NSMCE2: variants seen among roughly 807,000 people sequenced by gnomAD.
NSMCE2 encodes the protein NSE2 SUMO ligase component of SMC5/6 complex, also known as E3 SUMO-protein ligase NSE2.
NSMCE2 carries 24 observed loss-of-function variants against 23.8 expected under a neutral mutation model. The observed-to-expected ratio is 1.01, with a 90% CI of 0.73 to 1.42. The LOEUF (loss-of-function observed/expected upper bound fraction) is 1.42, where lower values mean the gene tolerates loss of function less well. Among genes scored for constraint, NSMCE2 ranks in the 40% most tolerant of loss-of-function variants. The pLI, the probability that NSMCE2 is intolerant of heterozygous loss-of-function variation, is 0.00. For missense variants in NSMCE2, 284 were observed against 296.5 expected (o/e 0.96, Z 0.31); for synonymous variants, 92 against 94.1 (o/e 0.98, Z 0.13).
intron 3 of NSMCE2, among the ~76,000 whole-genome samples, chr8:125,112,835 G>A (rs1818831183): frequency 6.6e-6 from 1 of 152,080 alleles, no homozygotes; most frequent in Non-Finnish European, 1.5e-5. Flanking sequence ...ATAATATGGT[G>A]ACTATAGTTA....
intron 5 of NSMCE2, among the ~76,000 whole-genome samples, chr8:125,299,457 A>G (rs923270284): frequency 6.6e-6 from 1 of 152,184 alleles, no homozygotes; most frequent in African/African-American, 2.4e-5. Context: ...AGAGCGAGCA[A>G]GAGGCGAGAA....
At chr8:125,184,799 C>T (rs1244482321) in intron 5 of NSMCE2, among the ~76,000 whole-genome samples, 1 of 152,230 alleles carries the variant, frequency 6.6e-6, no homozygotes, top group East Asian at 1.9e-4. Context: ...CAGGCTCCCA[C>T]AGTATTTGTG....
chr8:125,303,420 C>T (rs1828639163), intron 5 of NSMCE2, among the ~76,000 whole-genome samples: 1 of 151,972 alleles, frequency 6.6e-6, no homozygotes, highest in African/African-American at 2.4e-5. Flanking sequence ...TCATGCTGCA[C>T]GAATTTGAAG....
intron 5 of NSMCE2, among the ~76,000 whole-genome samples, chr8:125,199,311 G>T (rs375043269): frequency 1.3e-5 from 2 of 152,092 alleles, no homozygotes; most frequent in Admixed American, 6.6e-5. Flanking sequence ...TCTCTTATGG[G>T]CATCTAGTGC....
chr8:125,223,609 G>A lies in NSMCE2; in HGVS notation c.418+41353G>A, dbSNP rs549585684. Among the ~76,000 whole-genome samples the A allele has an allele frequency of 1.7e-4, 26 of 152,236 alleles. No individual in the cohort carries two copies. In the South Asian group the frequency reaches 2.3e-3, roughly 13 times the overall value. On this transcript the variant is annotated intron_variant, in intron 5 of 7. Coordinates refer to ENST00000287437, the MANE Select transcript of NSMCE2 (RefSeq NM_173685.4). The stretch of plus-strand genomic sequence containing the variant: ...TTCCCACGAACAATGTACCAGGGTT[G>A]CCTTTTCTCCACATCCAAACCAATA...
chr8:125,182,026 TA>T, intron 4 of NSMCE2, 76 bp from the exon 5 acceptor site: 1 of 1,089,758 alleles, frequency 9.2e-7, no homozygotes, highest in Non-Finnish European at 1.3e-6. Flanking sequence ...TTATCTGAGA[TA>T]AAAACAATGT....
rs137933655 is a variant in NSMCE2 at position 125,176,411 on chromosome 8, T to G, written c.265-5692T>G. ...TCTTACACTTTTTCTTTTTAAACTC[T>G]TCTAGCCGCCCTTAAAATGTGATAT... is the stretch of plus-strand genomic sequence containing the variant. On this transcript the variant is annotated intron_variant, in intron 4 of 7. Coordinates refer to ENST00000287437, the MANE Select transcript of NSMCE2 (RefSeq NM_173685.4). 1.8e-3 allele frequency among the ~76,000 whole-genome samples: 271 copies of G among 152,360 alleles called. 2 individuals are homozygous for G. The highest frequency in any genetic ancestry group is 6.2e-3 in the African/African-American group (259 of 41,592).
chr8:125,346,100 T>C (rs971209766), intron 5 of NSMCE2, among the ~76,000 whole-genome samples: 1 of 151,620 alleles, frequency 6.6e-6, no homozygotes, highest in African/African-American at 2.4e-5. Context: ...AAGGTTGCAG[T>C]GAGCCAAGAT....
At chr8:125,143,477 T>A (rs911400694) in intron 3 of NSMCE2, among the ~76,000 whole-genome samples, 2 of 152,194 alleles carry the variant, frequency 1.3e-5, no homozygotes, top group African/African-American at 4.8e-5. Flanking sequence ...TTTATGACAT[T>A]TAATATTTAT....
At chr8:125,229,045 G>A (rs2130939241) in intron 5 of NSMCE2, among the ~76,000 whole-genome samples, 1 of 152,290 alleles carries the variant, frequency 6.6e-6, no homozygotes, top group East Asian at 1.9e-4. Flanking sequence ...CTGTTTGTTT[G>A]TGTGTTTATT....
chr8:125,288,480 T>C (rs943728586), intron 5 of NSMCE2, among the ~76,000 whole-genome samples: 1 of 152,246 alleles, frequency 6.6e-6, no homozygotes, highest in African/African-American at 2.4e-5. Context: ...TGTTGATTGA[T>C]TGATTGCCTA....
intron 5 of NSMCE2, among the ~76,000 whole-genome samples, chr8:125,241,768 A>G (rs1328697826): frequency 6.6e-6 from 1 of 152,208 alleles, no homozygotes; most frequent in African/African-American, 2.4e-5. Context: ...TTGAAAATAT[A>G]AGAATTGGAA....
intron 3 of NSMCE2, among the ~76,000 whole-genome samples, chr8:125,139,073 C>G (rs370140284): frequency 6.6e-6 from 1 of 152,332 alleles, no homozygotes; most frequent in South Asian, 2.1e-4. Context: ...TGAATCAGCT[C>G]TGTCTTTGGA....
At chr8:125,272,786 TAC>T (rs1269804632) in intron 5 of NSMCE2, among the ~76,000 whole-genome samples, 1 of 141,814 alleles carries the variant, frequency 7.1e-6, no homozygotes, top group Admixed American at 7.3e-5. Context: ...CGTATATATA[TAC>T]ACATGTGTAT....
chr8:125,136,759 A>C (rs189298891), intron 3 of NSMCE2, among the ~76,000 whole-genome samples: 1 of 152,174 alleles, frequency 6.6e-6, no homozygotes, highest in Non-Finnish European at 1.5e-5. Flanking sequence ...TTAGGTGTTT[A>C]TGAATTATTA....
At chr8:125,174,620 G>A (rs1822385339) in intron 4 of NSMCE2, among the ~76,000 whole-genome samples, 1 of 152,112 alleles carries the variant, frequency 6.6e-6, no homozygotes, top group Non-Finnish European at 1.5e-5. Context: ...TAATAAGACT[G>A]GTCTATTCAA....
intron 4 of NSMCE2, among the ~76,000 whole-genome samples, chr8:125,153,789 A>G (rs1262053486): frequency 6.6e-6 from 1 of 152,222 alleles, no homozygotes. Flanking sequence ...GCATTCATCA[A>G]ATTTGATGGG....
chr8:125,347,795 A>G (rs974752201), intron 5 of NSMCE2, among the ~76,000 whole-genome samples: 1 of 152,220 alleles, frequency 6.6e-6, no homozygotes, highest in African/African-American at 2.4e-5. Flanking sequence ...GTTAGATTGG[A>G]TAGAGATAGC....
At chr8:125,202,195 C>T (rs1197571780) in intron 5 of NSMCE2, among the ~76,000 whole-genome samples, 1 of 152,234 alleles carries the variant, frequency 6.6e-6, no homozygotes, top group African/African-American at 2.4e-5. Context: ...CCCCGCCCTA[C>T]TTCACCTTGC....
Sources: gnomAD v4.1 joint callset for allele counts (sites outside exome capture counted in the v4.1 genomes callset) on GRCh38, gnomAD v4.1.1 for gene constraint, MANE v1.5 for transcripts, NCBI Gene and HGNC (gene_info 2026-07-23, HGNC 2026-07-21) for gene names.